The following ARHGEF26 variants were observed in gnomAD, a reference collection of about 807,000 sequenced individuals.
ARHGEF26 encodes the protein Rho guanine nucleotide exchange factor 26.
A neutral mutation model predicts 89.4 loss-of-function variants in ARHGEF26; 59 were observed. That is an observed-to-expected ratio of 0.66 (90% CI 0.54 to 0.82). The LOEUF is 0.82. ARHGEF26 is among the 40% of genes least tolerant of loss of function. The probability of loss-of-function intolerance (pLI) is 0.00; values close to 1 mark genes in which losing one functional copy is unlikely to be tolerated. For missense variants in ARHGEF26, 1,234 were observed against 1,085.6 expected (o/e 1.14, Z -1.92); for synonymous variants, 500 against 428.4 (o/e 1.17, Z -2.06).
At chr3:154,186,162 CA>C (rs1559884849) in intron 6 of ARHGEF26, among the ~76,000 whole-genome samples, 3 of 151,518 alleles carry the variant, frequency 2.0e-5, no homozygotes, top group Admixed American at 1.3e-4. Context: ...CACACACACA[CA>C]CACCCCTATA....
chr3:154,198,289 C>G (rs1405882826), intron 9 of ARHGEF26, among the ~76,000 whole-genome samples: 1 of 152,086 alleles, frequency 6.6e-6, no homozygotes. Context: ...GGAATGTAAA[C>G]TAGTACAACC....
chr3:154,122,309 C>T lies in ARHGEF26; in HGVS notation c.317C>T (p.Pro106Leu), dbSNP rs1304747726. 9 of 1,612,736 alleles carry T rather than the reference C, an allele frequency of 5.6e-6. No homozygotes were observed. The highest frequency in any genetic ancestry group is 4.5e-5 in the East Asian group (2 of 44,866). Residue 106 changes from proline to leucine, a missense_variant, in exon 2 of 15, where the codon CCT becomes CTT. Transcript: ENST00000465093. ...TASPEYRAAS[P>L]RLRRPKSPKL... ...TCCCCGGAGTACAGGGCTGCCTCTC[C>T]TCGACTTCGACGGCCCAAGTCACCC...
chr3:154,236,265 C>G (rs942810007), intron 11 of ARHGEF26, among the ~76,000 whole-genome samples: 2 of 152,196 alleles, frequency 1.3e-5, no homozygotes, highest in African/African-American at 4.8e-5. Context: ...ACAAAGGTTA[C>G]TAGGACCTTA....
At chr3:154,237,434 C>T (rs1052896048) in intron 11 of ARHGEF26, among the ~76,000 whole-genome samples, 1 of 151,804 alleles carries the variant, frequency 6.6e-6, no homozygotes, top group East Asian at 1.9e-4. Context: ...CCCAGCTACA[C>T]GGGAGGCTGA....
intron 6 of ARHGEF26, among the ~76,000 whole-genome samples, chr3:154,164,084 A>C (rs1711834205): frequency 6.6e-6 from 1 of 152,178 alleles, no homozygotes; most frequent in Non-Finnish European, 1.5e-5. Context: ...ATCTGTTTTC[A>C]AAATAAACTT....
intron 9 of ARHGEF26, among the ~76,000 whole-genome samples, chr3:154,216,235 AT>A (rs1035628704): frequency 9.9e-5 from 15 of 150,854 alleles, no homozygotes; most frequent in South Asian, 4.2e-4. Flanking sequence ...TAATATGGGC[AT>A]TTTTTTTTCC....
chr3:154,158,778 T>C (rs1192296894), intron 6 of ARHGEF26, among the ~76,000 whole-genome samples: 1 of 102,746 alleles, frequency 9.7e-6, no homozygotes, highest in Non-Finnish European at 1.9e-5. Context: ...ACTTTGCATA[T>C]TTTCATATTT....
At chr3:154,156,871 T>G (rs923967092) in intron 6 of ARHGEF26, among the ~76,000 whole-genome samples, 2 of 152,224 alleles carry the variant, frequency 1.3e-5, no homozygotes, top group African/African-American at 4.8e-5. Flanking sequence ...TTGTTAAGTA[T>G]GTCATAACCA....
intron 9 of ARHGEF26, among the ~76,000 whole-genome samples, chr3:154,206,779 A>G (rs1715043138): frequency 6.6e-6 from 1 of 152,198 alleles, no homozygotes; most frequent in Non-Finnish European, 1.5e-5. Context: ...ATTCCTATGG[A>G]ACAAACGAAG....
intron 6 of ARHGEF26, among the ~76,000 whole-genome samples, chr3:154,175,446 G>A (rs759454017): frequency 2.0e-5 from 3 of 151,960 alleles, no homozygotes; most frequent in Non-Finnish European, 2.9e-5. Flanking sequence ...AAAAAAAAGT[G>A]CAAGGAATTA....
At chr3:154,160,188 C>CG (rs1559869259) in intron 6 of ARHGEF26, among the ~76,000 whole-genome samples, 1 of 152,100 alleles carries the variant, frequency 6.6e-6, no homozygotes, top group Non-Finnish European at 1.5e-5. Context: ...GAAATTCACC[C>CG]GAAGTATTTT....
intron 6 of ARHGEF26, among the ~76,000 whole-genome samples, chr3:154,163,881 T>C (rs1711817956): frequency 6.6e-6 from 1 of 152,178 alleles, no homozygotes; most frequent in Admixed American, 6.5e-5. Flanking sequence ...TAATCTGAAG[T>C]GTGTGGAGTT....
chr3:154,232,985 G>A (rs1472040827), intron 11 of ARHGEF26, among the ~76,000 whole-genome samples: 4 of 151,738 alleles, frequency 2.6e-5, no homozygotes, highest in Admixed American at 6.6e-5. Flanking sequence ...TTGCCACCAC[G>A]CCCGGCTAAT....
At chr3:154,202,663 C>T (rs1387240576) in intron 9 of ARHGEF26, among the ~76,000 whole-genome samples, 11 of 151,988 alleles carry the variant, frequency 7.2e-5, no homozygotes, top group Non-Finnish European at 1.6e-4. Flanking sequence ...TTGTTTGTAT[C>T]CTCTTTTATT....
intron 9 of ARHGEF26, among the ~76,000 whole-genome samples, chr3:154,197,787 G>T (rs1231073989): frequency 1.3e-5 from 2 of 152,014 alleles, no homozygotes. Flanking sequence ...TTAACATGCT[G>T]GGGGGAGAAA....
intron 11 of ARHGEF26, 96 bp from the exon 12 acceptor site, chr3:154,240,274 A>G (rs1717406564): frequency 1.2e-6 from 1 of 813,356 alleles, no homozygotes; most frequent in African/African-American, 1.7e-5. Context: ...CTTCCTGCCC[A>G]CTCCTTGCTG....
intron 6 of ARHGEF26, among the ~76,000 whole-genome samples, chr3:154,159,840 T>G (rs1328837063): frequency 6.6e-6 from 1 of 152,110 alleles, no homozygotes; most frequent in Non-Finnish European, 1.5e-5. Context: ...AAAGCTAAAT[T>G]TTAAAGGAAA....
At chr3:154,164,405 T>C (rs183594852) in intron 6 of ARHGEF26, among the ~76,000 whole-genome samples, 160 of 151,368 alleles carry the variant, frequency 1.1e-3, no homozygotes, top group Middle Eastern at 3.4e-3. Flanking sequence ...ATAAAAAATA[T>C]CCTGAGGAAC....
At chr3:154,223,890 C>T (rs1716296430) in intron 10 of ARHGEF26, among the ~76,000 whole-genome samples, 2 of 152,120 alleles carry the variant, frequency 1.3e-5, no homozygotes, top group South Asian at 4.1e-4. Flanking sequence ...ATTATTTGCT[C>T]TTCAGCAGCT....
Sources: allele counts gnomAD v4.1 joint callset (sites outside exome capture counted in the v4.1 genomes callset), GRCh38; gene constraint gnomAD v4.1.1; transcripts MANE v1.5; gene names NCBI Gene and HGNC (gene_info 2026-07-23, HGNC 2026-07-21).